Variants in WNT2B observed in about 807,000 individuals in gnomAD.
WNT2B encodes Wnt family member 2B, also known as protein Wnt-2b.
WNT2B carries 19 observed loss-of-function variants against 40.5 expected under a neutral mutation model. That is an observed-to-expected ratio of 0.47 (90% CI 0.33 to 0.69). The LOEUF is 0.69. WNT2B is among the 30% of genes least tolerant of loss of function. The probability of loss-of-function intolerance (pLI) is 0.02; values close to 1 mark genes in which losing one functional copy is unlikely to be tolerated. For missense variants in WNT2B, 467 were observed against 556.4 expected (o/e 0.84, Z 1.62); for synonymous variants, 220 against 211.9 (o/e 1.04, Z -0.33).
rs551361729 is a variant in WNT2B at position 112,517,284 on chromosome 1, C to G, written c.845C>G (p.Ala282Gly). The part of the protein sequence containing the change: ...AVQVMATQDG[A>G]NFTAARQGYR... ...CAGGTGATGGCCACCCAAGATGGTG[C>G]CAACTTCACCGCAGCCCGCCAAGGC... The change falls in exon 4 of 5, where the codon GCC (alanine) becomes GGC (glycine). Residue 282 changes from alanine to glycine, a missense_variant. Ala to Gly is a moderately conservative substitution (Grantham distance 60). Transcript: ENST00000369684. 1 of 1,614,194 alleles carries G rather than the reference C, an allele frequency of 6.2e-7. No homozygotes were observed. The highest frequency in any genetic ancestry group is 8.5e-7 in the Non-Finnish European group (1 of 1,180,030).
intron 1 of WNT2B, among the ~76,000 whole-genome samples, chr1:112,474,231 C>T (rs1328661402): frequency 5.9e-5 from 9 of 152,112 alleles, no homozygotes; most frequent in Non-Finnish European, 1.0e-4. Context: ...CTGCAACCTC[C>T]GCCTCCCGGG....
In WNT2B at chr1:112,484,246, C is replaced by CATATATATACACAT. The variant is rs1277490034; in HGVS notation, c.-95+16679_-95+16692dup. The stretch of plus-strand genomic sequence containing the variant: ...ATATATATATACACATATATATACA[C>CATATATATACACAT]ATATATATACACATATATATATACA... On this transcript the variant is annotated intron_variant, in intron 1 of 4. Transcript: ENST00000256640. Among the ~76,000 whole-genome samples the CATATATATACACAT allele has an allele frequency of 9.3e-3, 1,082 of 116,716 alleles. 39 individuals carry two copies. Among genetic ancestry groups the CATATATATACACAT allele is most frequent in the African/African-American group, 0.042 (1,030 of 24,240 alleles). The allele number at this position is 116,716 out of a possible 152,430, so 76.6% of individuals were successfully genotyped here.
intron 1 of WNT2B, among the ~76,000 whole-genome samples, chr1:112,493,425 C>T (rs1459192245): frequency 2.0e-5 from 3 of 152,072 alleles, no homozygotes; most frequent in East Asian, 1.9e-4. Context: ...CGAGACCAGC[C>T]TGGGCAACAT....
intron 1 of WNT2B, among the ~76,000 whole-genome samples, chr1:112,478,289 T>C (rs1482890642): frequency 6.6e-6 from 1 of 150,994 alleles, no homozygotes; most frequent in African/African-American, 2.4e-5. Flanking sequence ...AGAAAGCTTA[T>C]TAAAAAAAAA....
In WNT2B at chr1:112,529,744, TAA is replaced by T. The variant is rs1310619468; in HGVS notation, c.*9238_*9239del. 26 of 45,046 alleles carry T rather than the reference TAA, an allele frequency of 5.8e-4. No homozygotes were observed. The highest frequency in any genetic ancestry group is 5.8e-4 in the Non-Finnish European group (12 of 20,844). 2.8% of individuals were successfully genotyped at this position (45,046 alleles called of 1,614,324 possible). A position where few individuals can be genotyped will look rare whatever the true frequency, so the allele number is the denominator to read the frequency against. On this transcript the variant is annotated 3_prime_UTR_variant, in exon 5 of 5. Coordinates refer to ENST00000369684, the MANE Select transcript of WNT2B (RefSeq NM_024494.3). ...GTTACTCTCAATGCCATCCAAAAGATAAAAGTTAAAAAAAAAAAAAAAAAAAA... is the reference window on the plus strand; with the variant it reads ...GTTACTCTCAATGCCATCCAAAAGATAAGTTAAAAAAAAAAAAAAAAAAAA...
chr1:112,475,252 A>T (rs543571402), intron 1 of WNT2B, among the ~76,000 whole-genome samples: 1 of 152,334 alleles, frequency 6.6e-6, no homozygotes, highest in South Asian at 2.1e-4. Flanking sequence ...CAAAATAAAG[A>T]TATTTCTCAA....
intron 1 of WNT2B, among the ~76,000 whole-genome samples, chr1:112,487,864 A>G (rs1236844670): frequency 1.4e-5 from 2 of 147,016 alleles, no homozygotes; most frequent in African/African-American, 5.0e-5. Context: ...AACCAAGGAG[A>G]CAGAGGTTGC....
At chr1:112,489,659 T>C (rs977905015) in intron 1 of WNT2B, among the ~76,000 whole-genome samples, 9 of 152,202 alleles carry the variant, frequency 5.9e-5, no homozygotes, top group Admixed American at 1.3e-4. Context: ...AAACTTGCAA[T>C]GCCAATACTC....
intron 4 of WNT2B, 115 bp downstream of exon 4, chr1:112,517,500 G>C: frequency 1.5e-6 from 2 of 1,337,164 alleles, no homozygotes; most frequent in South Asian, 1.5e-5. Flanking sequence ...GTGGGAGGAG[G>C]CAGTTTCCTC....
rs1240895492 is a variant in WNT2B, at chr1:112,517,106, T to C, written c.682-15T>C. On this transcript the variant is annotated splice_polypyrimidine_tract_variant and intron_variant, in intron 3 of 4. Transcript: ENST00000369684. ...ACCAGCTACTTCTCCCTTAACTGCC[T>C]TCCCCCTCCCCCAGGCTGTGCGGCG... 1.2e-6 allele frequency: 2 copies of C among 1,604,980 alleles called. No individual in the cohort carries two copies. Among genetic ancestry groups the C allele is most frequent in the Non-Finnish European group, 1.7e-6 (2 of 1,172,998 alleles).
At position 112,526,200 on chromosome 1, in the gene WNT2B, G is replaced by C; in HGVS notation, c.*5691G>C. On this transcript the variant is annotated 3_prime_UTR_variant, in exon 5 of 5. Coordinates refer to ENST00000369684, the MANE Select transcript of WNT2B (RefSeq NM_024494.3). ...GTATATCTGAGCACAGTTTACAAAG[G>C]AACAGCCTAGGCCCTCCTGAACCTT... is the stretch of plus-strand genomic sequence containing the variant. The C allele has an allele frequency of 6.4e-7, 1 of 1,571,758 alleles. No homozygotes were observed. Among genetic ancestry groups the C allele is most frequent in the Non-Finnish European group, 8.6e-7 (1 of 1,157,284 alleles).
At chr1:112,494,394 G>C (rs1270213668) in intron 1 of WNT2B, among the ~76,000 whole-genome samples, 1 of 151,090 alleles carries the variant, frequency 6.6e-6, no homozygotes, top group Non-Finnish European at 1.5e-5. Context: ...TTTAAGACAC[G>C]GTCTTGCTCT....
At chr1:112,514,411 C>A (rs541788049) in intron 1 of WNT2B, among the ~76,000 whole-genome samples, 1 of 152,194 alleles carries the variant, frequency 6.6e-6, no homozygotes, top group Non-Finnish European at 1.5e-5. Flanking sequence ...TCACCACCCC[C>A]CTGCTGTCAA....
Position 112,515,229 on chromosome 1 carries a change from C to T in WNT2B, c.403+135C>T. On this transcript the variant is annotated intron_variant, in intron 2 of 4. Transcript: ENST00000369684. The surrounding 1 kb of genome is among the most constrained non-coding windows in gnomAD (Gnocchi z 4.4). ...ATCAGAGAAAGAACTGTGGGCAGAG[C>T]CCAGGATATAATTGGGAACAGACTC... 4 of 1,084,844 alleles carry T rather than the reference C, an allele frequency of 3.7e-6. No individual in the cohort carries two copies. Among genetic ancestry groups the T allele is most frequent in the Non-Finnish European group, 5.3e-6 (4 of 757,116 alleles). The allele number at this position is 1,084,844 out of a possible 1,614,324, so 67.2% of individuals were successfully genotyped here.
chr1:112,500,118 G>A (rs1439944868), intron 1 of WNT2B, among the ~76,000 whole-genome samples: 6 of 152,104 alleles, frequency 3.9e-5, no homozygotes, highest in Admixed American at 6.5e-5. Flanking sequence ...TCACAGTAAC[G>A]GATAAGATTG....
chr1:112,505,825 G>GA (rs1252855919), upstream of WNT2B, among the ~76,000 whole-genome samples: 1 of 152,188 alleles, frequency 6.6e-6, no homozygotes, highest in African/African-American at 2.4e-5. Context: ...AGGGGACAAA[G>GA]AAGCAGAAGG....
In WNT2B at chr1:112,525,842, G is replaced by T; in HGVS notation, c.*5333G>T. On this transcript the variant is annotated 3_prime_UTR_variant, in exon 5 of 5. Transcript: ENST00000369684. The stretch of plus-strand genomic sequence containing the variant: ...TTGTCCTTTTTGACAGCTTCCAAGG[G>T]GGGTTTGCCTAGGAATAACAATATT... The T allele has an allele frequency of 1.2e-6, 1 of 804,610 alleles. No homozygotes were observed. Among genetic ancestry groups the T allele is most frequent in the Non-Finnish European group, 1.8e-6 (1 of 550,634 alleles). The allele number at this position is 804,610 out of a possible 1,614,324, so 49.8% of individuals were successfully genotyped here. A position where few individuals can be genotyped will look rare whatever the true frequency, so the allele number is the denominator to read the frequency against.
intron 1 of WNT2B, among the ~76,000 whole-genome samples, chr1:112,501,537 A>G (rs1263537737): frequency 6.6e-6 from 1 of 152,172 alleles, no homozygotes; most frequent in African/African-American, 2.4e-5. Flanking sequence ...TTGTATCAGC[A>G]TGGACTCATG....
chr1:112,506,292 C>A (rs1429549000), upstream of WNT2B, among the ~76,000 whole-genome samples: 4 of 152,230 alleles, frequency 2.6e-5, no homozygotes, highest in African/African-American at 4.8e-5. Flanking sequence ...AGCCACCAAG[C>A]CTGGGCCTCA....
Sources: gnomAD v4.1 joint callset for allele counts (sites outside exome capture counted in the v4.1 genomes callset) on GRCh38, gnomAD v4.1.1 for gene constraint, Gnocchi (gnomAD v3.1) non-coding constraint, MANE v1.5 for transcripts, NCBI Gene and HGNC (gene_info 2026-07-23, HGNC 2026-07-21) for gene names.